GPR26: variants seen among roughly 807,000 people sequenced by gnomAD.
The protein encoded by GPR26 is G protein-coupled receptor 26.
In GPR26, 15 loss-of-function variants were observed where a neutral mutation model predicts 23.1. The observed-to-expected ratio is 0.65, with a 90% CI of 0.43 to 1.00. The LOEUF is 1.00. GPR26 is among the 50% of genes least tolerant of loss of function. The probability of loss-of-function intolerance (pLI) is 0.00; values close to 1 mark genes in which losing one functional copy is unlikely to be tolerated. For missense variants in GPR26, 359 were observed against 470.5 expected, an observed-to-expected ratio of 0.76 and a Z score of 2.19; for synonymous variants, 228 against 222.1, an observed-to-expected ratio of 1.03 and a Z score of -0.24.
intron 2 of GPR26, among the ~76,000 whole-genome samples, chr10:123,675,798 C>CTGTGTGTGTGTGTGTGTGTGTGTG (rs57869785): frequency 7.0e-6 from 1 of 142,632 alleles, no homozygotes; most frequent in Non-Finnish European, 1.5e-5. Flanking sequence ...GCAGGGTTTT[C>CTGTGTGTGTGTGTGTGTGTGTGTG]TGTGTGTGTG....
chr10:123,678,665 C>T (rs1440979432), intron 2 of GPR26, among the ~76,000 whole-genome samples: 2 of 152,238 alleles, frequency 1.3e-5, no homozygotes, highest in Non-Finnish European at 2.9e-5. Context: ...GATGCTTAGT[C>T]TTTAGGGTGG....
rs577405492 is a variant in GPR26 at position 123,692,285 on chromosome 10, G to T, written c.*4125G>T. On this transcript the variant is annotated 3_prime_UTR_variant, in exon 3 of 3. Coordinates refer to ENST00000284674, the MANE Select transcript of GPR26 (RefSeq NM_153442.4). ...GATCAAACTCTACTGGGGCAGCCTGGCTGTGGGAGGTGATGACATCTGCCA... is the reference window on the plus strand; with the variant it reads ...GATCAAACTCTACTGGGGCAGCCTGTCTGTGGGAGGTGATGACATCTGCCA... 6 of 152,410 alleles carry T rather than the reference G, an allele frequency of 3.9e-5. No individual in the cohort carries two copies. Among genetic ancestry groups the T allele is most frequent in the African/African-American group, 1.2e-4 (5 of 41,582 alleles). The allele number at this position is 152,410 out of a possible 1,614,324, so 9.4% of individuals were successfully genotyped here.
intron 2 of GPR26, among the ~76,000 whole-genome samples, chr10:123,680,590 C>G (rs1189824735): frequency 6.6e-6 from 1 of 152,216 alleles, no homozygotes; most frequent in African/African-American, 2.4e-5. Context: ...TCTCAGCCTC[C>G]TCACTGTCCA....
At chr10:123,685,509 C>G (rs372462471) in intron 2 of GPR26, among the ~76,000 whole-genome samples, 5 of 152,196 alleles carry the variant, frequency 3.3e-5, no homozygotes, top group Admixed American at 3.3e-4. Flanking sequence ...AGCTACCCCC[C>G]GCCAGTGGCC....
At chr10:123,683,439 G>A (rs1165589353) in intron 2 of GPR26, among the ~76,000 whole-genome samples, 1 of 152,266 alleles carries the variant, frequency 6.6e-6, no homozygotes, top group Non-Finnish European at 1.5e-5. Flanking sequence ...GGCTGCAGGG[G>A]TTATGGTCCT....
At position 123,671,692 on chromosome 10, in the gene GPR26, G is replaced by A. The variant is rs568904412; in HGVS notation, c.669-3126G>A. Among the ~76,000 whole-genome samples, 8 of 152,266 alleles carry A rather than the reference G, an allele frequency of 5.3e-5. No homozygotes were observed. In the East Asian group the frequency reaches 7.7e-4, roughly 15 times the overall value. On this transcript the variant is annotated intron_variant, in intron 1 of 2. Coordinates refer to ENST00000284674, the MANE Select transcript of GPR26 (RefSeq NM_153442.4). ...GGCCCAGGGATGTTTGAGAATGCCCGCCACTCAGTGATTCTATGGCAGGCA... is the reference window on the plus strand; with the variant it reads ...GGCCCAGGGATGTTTGAGAATGCCCACCACTCAGTGATTCTATGGCAGGCA...
chr10:123,671,120 C>T (rs1257804992), intron 1 of GPR26, among the ~76,000 whole-genome samples: 2 of 152,228 alleles, frequency 1.3e-5, no homozygotes, highest in African/African-American at 4.8e-5. Context: ...TCCTTAAATA[C>T]TCAGAGCGTG....
chr10:123,688,345 C>T lies in GPR26; in HGVS notation c.*185C>T. ...GTTCCTCAAGGGCAGATATTGGACA[C>T]TCCTTATTTGTCACCAAAGGATGAC... On this transcript the variant is annotated 3_prime_UTR_variant, in exon 3 of 3. Transcript: ENST00000284674. 3 of 601,534 alleles carry T rather than the reference C, an allele frequency of 5.0e-6. No individual in the cohort carries two copies. Among genetic ancestry groups the T allele is most frequent in the Non-Finnish European group, 8.9e-6 (3 of 338,428 alleles). The allele number at this position is 601,534 out of a possible 1,614,324, so 37.3% of individuals were successfully genotyped here. A position where few individuals can be genotyped will look rare whatever the true frequency, so the allele number is the denominator to read the frequency against.
At chr10:123,679,858 C>A (rs989196656) in intron 2 of GPR26, among the ~76,000 whole-genome samples, 4 of 152,190 alleles carry the variant, frequency 2.6e-5, no homozygotes, top group Non-Finnish European at 4.4e-5. Context: ...CAAGGCAGAT[C>A]TCCCGAGGCT....
Position 123,666,612 on chromosome 10 carries a change from G to A in GPR26, c.205G>A (p.Ala69Thr). 1 of 1,590,528 alleles carries A rather than the reference G, an allele frequency of 6.3e-7. No homozygotes were observed. The highest frequency in any genetic ancestry group is 8.5e-7 in the Non-Finnish European group (1 of 1,171,580). Residue 69 changes from alanine (A) to threonine (T), a missense_variant, in exon 1 of 3, where the codon GCG (alanine) becomes ACG (threonine). Transcript: ENST00000284674. Reference protein sequence around the residue: ...NMPLTLAGVVAQRQPAGDRLC... With the variant: ...NMPLTLAGVVTQRQPAGDRLC... ...GCCGCTCACGCTGGCCGGCGTCGTGGCGCAGCGGCAGCCGGCGGGCGACCG... is the reference window on the plus strand; with the variant it reads ...GCCGCTCACGCTGGCCGGCGTCGTGACGCAGCGGCAGCCGGCGGGCGACCG...
chr10:123,670,801 C>T (rs961039671), intron 1 of GPR26, among the ~76,000 whole-genome samples: 10 of 152,216 alleles, frequency 6.6e-5, no homozygotes, highest in African/African-American at 2.4e-4. Flanking sequence ...GGGAGATGCC[C>T]ACACATGTCT....
In GPR26 at chr10:123,674,725, A is replaced by G; in HGVS notation, c.669-93A>G. 1.3e-6 allele frequency: 1 copy of G among 779,688 alleles called. No homozygotes were observed. Among genetic ancestry groups the G allele is most frequent in the Non-Finnish European group, 2.2e-6 (1 of 464,040 alleles). The allele number at this position is 779,688 out of a possible 1,614,324, so 48.3% of individuals were successfully genotyped here. ...TCCGACTCCATAGTCAAGTTCTCAC[A>G]CTAGAGACTGCTGCCTGTGTTAGTA... On this transcript the variant is annotated intron_variant, in intron 1 of 2. Transcript: ENST00000284674. This position sits in a 1 kb window ranked among gnomAD's most constrained non-coding sequence, Gnocchi z 4.1.
rs752514927 is a variant in GPR26, at chr10:123,666,641, G to A, written c.234G>A (p.Leu78=). 322 of 1,595,018 alleles carry A rather than the reference G, an allele frequency of 2.0e-4. 3 individuals carry two copies. In the Middle Eastern group the frequency reaches 0.011, roughly 52 times the overall value. ...VAQRQPAGDR[L]CRLAAFLDTF... Reference sequence around the variant, plus strand: ...AGCGGCAGCCGGCGGGCGACCGCCTGTGCCGCCTGGCTGCCTTCCTCGACA... The same window carrying A: ...AGCGGCAGCCGGCGGGCGACCGCCTATGCCGCCTGGCTGCCTTCCTCGACA... Residue 78 remains leucine, a synonymous_variant, in exon 1 of 3, where the codon CTG becomes CTA. Transcript: ENST00000284674.
At chr10:123,676,197 A>G (rs1845308557) in intron 2 of GPR26, among the ~76,000 whole-genome samples, 3 of 151,656 alleles carry the variant, frequency 2.0e-5, no homozygotes, top group African/African-American at 7.3e-5. Flanking sequence ...CAGATAGACA[A>G]CTCTGGGGTG....
At position 123,697,331 on chromosome 10, in the gene GPR26, G is replaced by C. The variant is rs1845556160; in HGVS notation, c.*9171G>C. Among the ~76,000 whole-genome samples the C allele has an allele frequency of 1.3e-5, 2 of 151,486 alleles. No individual in the cohort carries two copies. The highest frequency in any genetic ancestry group is 4.8e-5 in the African/African-American group (2 of 41,404). Reference sequence around the variant, plus strand: ...AATGCTGTAATATATTTTTATGATAGAATTGATGGTTAATACAGGGAAAAA... The same window carrying C: ...AATGCTGTAATATATTTTTATGATACAATTGATGGTTAATACAGGGAAAAA... On this transcript the variant is annotated 3_prime_UTR_variant, in exon 3 of 3. Coordinates refer to ENST00000284674, the MANE Select transcript of GPR26 (RefSeq NM_153442.4).
intron 2 of GPR26, among the ~76,000 whole-genome samples, chr10:123,682,755 T>C (rs1223940559): frequency 2.0e-5 from 3 of 152,240 alleles, no homozygotes; most frequent in Non-Finnish European, 2.9e-5. Flanking sequence ...GGAAAATGTG[T>C]AGATGGGAGA....
rs780708216 is a variant in GPR26 at position 123,674,752 on chromosome 10, A to G, written c.669-66A>G. Reference sequence around the variant, plus strand: ...TAGAGACTGCTGCCTGTGTTAGTAAATAGTGCCTCATCCTGACCTAGCAAG... The same window carrying G: ...TAGAGACTGCTGCCTGTGTTAGTAAGTAGTGCCTCATCCTGACCTAGCAAG... On this transcript the variant is annotated intron_variant, in intron 1 of 2. Coordinates refer to ENST00000284674, the MANE Select transcript of GPR26 (RefSeq NM_153442.4). This position sits in a 1 kb window ranked among gnomAD's most constrained non-coding sequence, Gnocchi z 4.1. 7 of 1,004,970 alleles carry G rather than the reference A, an allele frequency of 7.0e-6. No individual in the cohort carries two copies. The highest frequency in any genetic ancestry group is 1.1e-5 in the Non-Finnish European group (7 of 646,266). The allele number at this position is 1,004,970 out of a possible 1,614,324, so 62.3% of individuals were successfully genotyped here.
chr10:123,674,252 C>T lies in GPR26; in HGVS notation c.669-566C>T, dbSNP rs1433742293. Among the ~76,000 whole-genome samples, 1 of 129,034 alleles carries T rather than the reference C, an allele frequency of 7.7e-6. No individual in the cohort carries two copies. The highest frequency in any genetic ancestry group is 1.6e-5 in the Non-Finnish European group (1 of 60,890). The allele number at this position is 129,034 out of a possible 152,430, so 84.7% of individuals were successfully genotyped here. ...GGATTACAGGTGTGAGCCACTGTGC[C>T]AGGCCGAGCTCATGGTTTTTCATTG... On this transcript the variant is annotated intron_variant, in intron 1 of 2. Coordinates refer to ENST00000284674, the MANE Select transcript of GPR26 (RefSeq NM_153442.4). This position sits in a 1 kb window ranked among gnomAD's most constrained non-coding sequence, Gnocchi z 4.1.
chr10:123,673,314 G>C (rs1845271613), intron 1 of GPR26, among the ~76,000 whole-genome samples: 1 of 152,216 alleles, frequency 6.6e-6, no homozygotes, highest in Admixed American at 6.5e-5. Context: ...TCTCCTGGCA[G>C]GCAGGGAAGG....
Sources: gnomAD v4.1 joint callset for allele counts (sites outside exome capture counted in the v4.1 genomes callset) on GRCh38, gnomAD v4.1.1 for gene constraint, Gnocchi (gnomAD v3.1) non-coding constraint, MANE v1.5 for transcripts, NCBI Gene and HGNC (gene_info 2026-07-23, HGNC 2026-07-21) for gene names.